The following TMTC4 variants were observed in gnomAD, a reference collection of about 807,000 sequenced individuals.
TMTC4 encodes protein O-mannosyl-transferase TMTC4.
In TMTC4, 65 loss-of-function variants were observed where a neutral mutation model predicts 86.0. That is an observed-to-expected ratio of 0.76 (90% CI 0.62 to 0.93). The LOEUF is 0.93. Ranked by LOEUF, TMTC4 falls within the 40% of genes least tolerant of loss-of-function variation. TMTC4 has a pLI of 0.00. For missense variants in TMTC4, 866 were observed against 948.1 expected (o/e 0.91, Z 1.14); for synonymous variants, 379 against 382.5 (o/e 0.99, Z 0.11).
In TMTC4 at chr13:100,669,353, G is replaced by A. The variant is rs866368937; in HGVS notation, c.4-559C>T. Among the ~76,000 whole-genome samples the A allele has an allele frequency of 4.6e-5, 7 of 152,156 alleles. No individual in the cohort carries two copies. The South Asian group carries it at 8.3e-4, about 18-fold the overall frequency. On this transcript the variant is annotated intron_variant, in intron 2 of 18. Transcript: ENST00000342624. ...GAGTCGAACAGAGAAATCCTAAGGCGGGGCACAGGATCGAATGCTGGGTTC... is the reference window on the plus strand; with the variant it reads ...GAGTCGAACAGAGAAATCCTAAGGCAGGGCACAGGATCGAATGCTGGGTTC...
At chr13:100,634,730 A>G in intron 12 of TMTC4, 75 bp downstream of exon 12, 1 of 1,532,062 alleles carries the variant, frequency 6.5e-7, no homozygotes, top group Non-Finnish European at 8.8e-7. Flanking sequence ...GCGACAGGAA[A>G]TGTTCTTATT....
intron 6 of TMTC4, among the ~76,000 whole-genome samples, chr13:100,655,079 T>A (rs1884925731): frequency 7.0e-6 from 1 of 143,104 alleles, no homozygotes; most frequent in Non-Finnish European, 1.5e-5. Flanking sequence ...TGGAGTGCAG[T>A]GGCGCAATCT....
intron 2 of TMTC4, among the ~76,000 whole-genome samples, chr13:100,669,771 C>CT (rs1886856395): frequency 6.6e-6 from 1 of 152,104 alleles, no homozygotes; most frequent in African/African-American, 2.4e-5. Context: ...CAAACTCGCA[C>CT]TTTTTTATCT....
At chr13:100,647,055 C>A (rs952458196) in intron 6 of TMTC4, among the ~76,000 whole-genome samples, 1 of 152,138 alleles carries the variant, frequency 6.6e-6, no homozygotes, top group Non-Finnish European at 1.5e-5. Flanking sequence ...AAGTCCATGC[C>A]AGAGCCTCGG....
intron 6 of TMTC4, among the ~76,000 whole-genome samples, chr13:100,643,681 T>C (rs916472244): frequency 6.6e-6 from 1 of 152,354 alleles, no homozygotes; most frequent in Non-Finnish European, 1.5e-5. Flanking sequence ...TAACCATGTG[T>C]GTATATTAAA....
intron 15 of TMTC4, among the ~76,000 whole-genome samples, chr13:100,618,449 TTCTTG>T (rs1232659469): frequency 7.0e-6 from 1 of 141,950 alleles, no homozygotes; most frequent in Non-Finnish European, 1.5e-5. Context: ...TTTTTGTTGC[TTCTTG>T]TTTTTTTTTT....
Position 100,643,631 on chromosome 13 carries a change from A to G in TMTC4, c.641-1320T>C, listed in dbSNP as rs866055269. On this transcript the variant is annotated intron_variant, in intron 6 of 18. Transcript: ENST00000342624. ...GGGAGAAAGTCTTACTTTTAATCTT[A>G]CTTTTCATTACATAACCTTCAGTAC... Among the ~76,000 whole-genome samples the G allele has an allele frequency of 2.6e-5, 4 of 152,336 alleles. No individual in the cohort carries two copies. The South Asian group carries it at 6.2e-4, about 24-fold the overall frequency.
chr13:100,611,417 C>T (rs1252807241), intron 17 of TMTC4, among the ~76,000 whole-genome samples: 2 of 152,102 alleles, frequency 1.3e-5, no homozygotes, highest in African/African-American at 4.8e-5. Context: ...AACCCTGTCT[C>T]TTCTAAAAAT....
chr13:100,636,717 G>A lies in TMTC4; in HGVS notation c.1017C>T (p.Tyr339=). The change falls in exon 10 of 19, where the codon TAC becomes TAT. Residue 339 remains tyrosine (Y), a synonymous_variant. Transcript: ENST00000342624. ...SMLVRAVNYN[Y]YYSLNAWLLL... is the part of the protein sequence containing the mutation. ...GCAGCCAGGCATTCAATGAATAGTA[G>A]TAATTGTAGTTTACGGCCTGCCAGT... 6.2e-7 allele frequency: 1 copy of A among 1,614,124 alleles called. No homozygotes were observed. The highest frequency in any genetic ancestry group is 8.5e-7 in the Non-Finnish European group (1 of 1,180,002).
intron 12 of TMTC4, among the ~76,000 whole-genome samples, chr13:100,627,230 C>T (rs141671300): frequency 4.7e-4 from 72 of 152,278 alleles, no homozygotes; most frequent in African/African-American, 1.6e-3. Context: ...GGAGCAGCTG[C>T]GCTCGCAGGG....
At chr13:100,669,578 T>G (rs1886817740) in intron 2 of TMTC4, among the ~76,000 whole-genome samples, 1 of 152,172 alleles carries the variant, frequency 6.6e-6, no homozygotes, top group Non-Finnish European at 1.5e-5. Context: ...GCATAATGTT[T>G]CTCGCCGGGG....
intron 17 of TMTC4, among the ~76,000 whole-genome samples, chr13:100,609,564 T>TA (rs1407268748): frequency 3.3e-5 from 5 of 152,282 alleles, no homozygotes; most frequent in African/African-American, 1.2e-4. Context: ...ATTTTTGCTT[T>TA]ACCACATTAG....
At chr13:100,651,020 C>A (rs1347332133) in intron 6 of TMTC4, among the ~76,000 whole-genome samples, 1 of 152,136 alleles carries the variant, frequency 6.6e-6, no homozygotes, top group Non-Finnish European at 1.5e-5. Flanking sequence ...AGCTTAAGAA[C>A]AATGGAGATT....
intron 12 of TMTC4, among the ~76,000 whole-genome samples, chr13:100,631,695 C>A (rs556270859): frequency 6.6e-6 from 1 of 152,182 alleles, no homozygotes; most frequent in East Asian, 1.9e-4. Flanking sequence ...TAAATTAGAG[C>A]CAGTTGCCAA....
At chr13:100,674,604 C>G in intron 1 of TMTC4, 140 bp downstream of exon 1, 1 of 982,944 alleles carries the variant, frequency 1.0e-6, no homozygotes. Flanking sequence ...GGAACCAACT[C>G]CTCCAGCAGC....
chr13:100,623,669 A>ATT (rs1566577815), intron 15 of TMTC4, among the ~76,000 whole-genome samples: 2 of 74,834 alleles, frequency 2.7e-5, no homozygotes, highest in East Asian at 1.1e-3. Context: ...TTTTTTTTGC[A>ATT]GAAGGAGAAG....
chr13:100,604,927 C>T lies in TMTC4; in HGVS notation c.*67G>A, dbSNP rs1304539444. 6.6e-7 allele frequency: 1 copy of T among 1,507,572 alleles called. No homozygotes were observed. The highest frequency in any genetic ancestry group is 8.9e-7 in the Non-Finnish European group (1 of 1,126,704). The allele number at this position is 1,507,572 out of a possible 1,614,324, so 93.4% of individuals were successfully genotyped here. A position where few individuals can be genotyped will look rare whatever the true frequency, so the allele number is the denominator to read the frequency against. ...AAGACTTTTAAATGGTTAAATGTAA[C>T]CACATACTATTAATGATATGCCTCA... On this transcript the variant is annotated 3_prime_UTR_variant, in exon 19 of 19. Coordinates refer to ENST00000342624, the MANE Select transcript of TMTC4 (RefSeq NM_032813.5).
intron 17 of TMTC4, among the ~76,000 whole-genome samples, chr13:100,608,767 C>A (rs1461308354): frequency 2.6e-5 from 4 of 152,068 alleles, no homozygotes; most frequent in Non-Finnish European, 5.9e-5. Context: ...CAATTTAATG[C>A]CAATGAACCA....
At chr13:100,660,588 C>T (rs1885649671) in intron 5 of TMTC4, among the ~76,000 whole-genome samples, 1 of 151,966 alleles carries the variant, frequency 6.6e-6, no homozygotes, top group African/African-American at 2.4e-5. Flanking sequence ...TGTTGGTCAA[C>T]ACCTGGGAGG....
Sources: gnomAD v4.1 joint callset for allele counts (sites outside exome capture counted in the v4.1 genomes callset) on GRCh38, gnomAD v4.1.1 for gene constraint, MANE v1.5 for transcripts, NCBI Gene and HGNC (gene_info 2026-07-23, HGNC 2026-07-21) for gene names.